The following RARB variants were observed in gnomAD, a reference collection of about 807,000 sequenced individuals.
RARB encodes the protein HBV-activated protein.
A neutral mutation model predicts 51.9 loss-of-function variants in RARB; 17 were observed. The ratio of observed to expected loss-of-function variants is 0.33; its 90% CI spans 0.22 to 0.49. The LOEUF is 0.49. Ranked by LOEUF, RARB falls within the 20% of genes least tolerant of loss-of-function variation. The probability of loss-of-function intolerance (pLI) is 0.99; values close to 1 mark genes in which losing one functional copy is unlikely to be tolerated. For synonymous variants in RARB, 215 were observed against 195.4 expected (o/e 1.10, Z -0.84); for missense variants, 369 against 550.8 (o/e 0.67, Z 3.30).
intron 5 of RARB, among the ~76,000 whole-genome samples, chr3:25,206,322 A>G (rs1033976772): frequency 1.3e-5 from 2 of 152,202 alleles, no homozygotes; most frequent in Non-Finnish European, 2.9e-5. Context: ...GAAATTTGTA[A>G]TTCTAAAGAG....
At chr3:25,400,099 A>G (rs145922286) in intron 5 of RARB, among the ~76,000 whole-genome samples, 6 of 152,310 alleles carry the variant, frequency 3.9e-5, no homozygotes, top group African/African-American at 7.2e-5. Flanking sequence ...CATTATTACT[A>G]TCATCTGGAA....
intron 2 of RARB, among the ~76,000 whole-genome samples, chr3:24,904,277 C>A (rs867172183): frequency 3.4e-5 from 5 of 147,974 alleles, no homozygotes; most frequent in South Asian, 2.1e-4. Flanking sequence ...GAAACAGACA[C>A]CACGATGGGA....
chr3:24,887,155 C>G (rs1703282700), intron 2 of RARB, among the ~76,000 whole-genome samples: 1 of 151,940 alleles, frequency 6.6e-6, no homozygotes, highest in Admixed American at 6.6e-5. Context: ...AATAGGATTG[C>G]AAAGGATTTA....
At chr3:25,553,130 T>C (rs1699914638) in intron 3 of RARB, among the ~76,000 whole-genome samples, 1 of 149,896 alleles carries the variant, frequency 6.7e-6, no homozygotes, top group African/African-American at 2.5e-5. Flanking sequence ...TCTATAGAGA[T>C]GATTTTTTTC....
chr3:25,069,150 A>T (rs1698720992), intron 3 of RARB, among the ~76,000 whole-genome samples: 1 of 152,048 alleles, frequency 6.6e-6, no homozygotes, highest in Non-Finnish European at 1.5e-5. Flanking sequence ...GGTAAGGAAG[A>T]AGGAAAGGGA....
At chr3:24,933,934 G>A (rs73820315) in intron 2 of RARB, among the ~76,000 whole-genome samples, 1,556 of 152,182 alleles carry the variant, frequency 0.01, 30 homozygotes, top group African/African-American at 0.032. Flanking sequence ...TTCCAACAAG[G>A]TAATCAACTG....
chr3:24,862,594 A>G (rs954692880), intron 2 of RARB, among the ~76,000 whole-genome samples: 4 of 152,174 alleles, frequency 2.6e-5, no homozygotes, highest in Non-Finnish European at 5.9e-5. Context: ...TAGCGTATCC[A>G]TGCTGTATAT....
intron 3 of RARB, among the ~76,000 whole-genome samples, chr3:25,534,215 A>C (rs1470385829): frequency 1.3e-5 from 2 of 152,228 alleles, no homozygotes; most frequent in Non-Finnish European, 2.9e-5. Flanking sequence ...TTGTTGACCT[A>C]AGACTTTGAG....
At chr3:25,593,754 T>G (rs1370062005) in intron 6 of RARB, 47 bp downstream of exon 6, 2 of 1,557,050 alleles carry the variant, frequency 1.3e-6, no homozygotes, top group African/African-American at 1.4e-5. Context: ...GAAGAACAGT[T>G]TATACTTGTA....
chr3:25,415,718 G>T (rs553504124), intron 5 of RARB, among the ~76,000 whole-genome samples: 1 of 152,300 alleles, frequency 6.6e-6, no homozygotes, highest in African/African-American at 2.4e-5. Context: ...TACAACAGTA[G>T]ATCATAGTCT....
At chr3:25,236,448 C>T (rs965811584) in intron 5 of RARB, among the ~76,000 whole-genome samples, 1 of 152,098 alleles carries the variant, frequency 6.6e-6, no homozygotes. Context: ...AAGAAGTCCT[C>T]TTCTAAAATG....
intron 2 of RARB, among the ~76,000 whole-genome samples, chr3:24,939,128 G>A (rs1006207475): frequency 2.0e-5 from 3 of 151,974 alleles, no homozygotes; most frequent in Non-Finnish European, 2.9e-5. Flanking sequence ...GATTACAGGC[G>A]TGCACCACGA....
chr3:24,981,164 C>A (rs1288971023), intron 2 of RARB, among the ~76,000 whole-genome samples: 3 of 152,180 alleles, frequency 2.0e-5, no homozygotes, highest in African/African-American at 7.2e-5. Context: ...AGGGACCCAT[C>A]TGTATGAGGT....
intron 1 of RARB, among the ~76,000 whole-genome samples, chr3:24,856,332 C>T (rs1702635828): frequency 6.6e-6 from 1 of 152,060 alleles, no homozygotes; most frequent in Admixed American, 6.6e-5. Context: ...GGGGACTCCT[C>T]AGAGGAAGCC....
chr3:25,264,502 T>C (rs776623773), intron 5 of RARB, among the ~76,000 whole-genome samples: 10 of 152,212 alleles, frequency 6.6e-5, no homozygotes, highest in Non-Finnish European at 1.3e-4. Flanking sequence ...GTAAATTGAA[T>C]AGCTTTCTTA....
intron 5 of RARB, among the ~76,000 whole-genome samples, chr3:25,329,508 A>T (rs757689866): frequency 1.8e-4 from 25 of 136,006 alleles, no homozygotes; most frequent in Non-Finnish European, 3.5e-4. Context: ...CCACCTATAT[A>T]TCACCATCAT....
chr3:25,281,946 G>T (rs1461514006), intron 5 of RARB, among the ~76,000 whole-genome samples: 3 of 152,206 alleles, frequency 2.0e-5, no homozygotes, highest in African/African-American at 7.2e-5. Flanking sequence ...TGCCTGCTCT[G>T]CAAGGCCCTG....
chr3:24,869,684 T>G (rs139793643), intron 2 of RARB, among the ~76,000 whole-genome samples: 1 of 152,246 alleles, frequency 6.6e-6, no homozygotes, highest in East Asian at 1.9e-4. Flanking sequence ...CGTAGCACAT[T>G]CATTCTCTTT....
At chr3:25,047,969 T>G (rs1434138410) in intron 2 of RARB, among the ~76,000 whole-genome samples, 1 of 152,142 alleles carries the variant, frequency 6.6e-6, no homozygotes, top group Non-Finnish European at 1.5e-5. Context: ...AGTGAATAAG[T>G]CTCATGAGAT....
Sources: gnomAD v4.1 joint callset for allele counts (sites outside exome capture counted in the v4.1 genomes callset) on GRCh38, gnomAD v4.1.1 for gene constraint, MANE v1.5 for transcripts, NCBI Gene and HGNC (gene_info 2026-07-23, HGNC 2026-07-21) for gene names.